The following PCSK6 variants were observed in gnomAD, a reference collection of about 807,000 sequenced individuals.
PCSK6 encodes the protein paired basic amino acid cleaving enzyme 4.
Under a neutral mutation model 123.3 loss-of-function variants are expected in PCSK6, and 85 were observed. That is an observed-to-expected ratio of 0.69 (90% CI 0.58 to 0.83). PCSK6 has a LOEUF of 0.83. Ranked by LOEUF, PCSK6 falls within the 40% of genes least tolerant of loss-of-function variation. The pLI, the probability that PCSK6 is intolerant of heterozygous loss-of-function variation, is 0.00. For synonymous variants in PCSK6, 508 were observed against 516.0 expected (o/e 0.98, Z 0.21); for missense variants, 1,191 against 1,282.3 (o/e 0.93, Z 1.09).
At chr15:101,333,926 G>T (rs1460545338) in intron 13 of PCSK6, among the ~76,000 whole-genome samples, 2 of 152,294 alleles carry the variant, frequency 1.3e-5, no homozygotes, top group East Asian at 1.9e-4. Flanking sequence ...GCCTCAACTG[G>T]CTAAGTACTA....
intron 13 of PCSK6, among the ~76,000 whole-genome samples, chr15:101,345,396 A>G (rs2040706692): frequency 6.6e-6 from 1 of 152,218 alleles, no homozygotes; most frequent in Non-Finnish European, 1.5e-5. Flanking sequence ...TAATATTTAG[A>G]CTGAAAAAAA....
intron 13 of PCSK6, among the ~76,000 whole-genome samples, chr15:101,365,458 G>A (rs564502754): frequency 4.6e-5 from 7 of 152,242 alleles, no homozygotes; most frequent in East Asian, 3.9e-4. Context: ...ATTGCTGGCC[G>A]GAATGTAAAA....
rs946579981 is a variant in PCSK6, at chr15:101,439,957, G to C, written c.402+3599C>G. On this transcript the variant is annotated intron_variant, in intron 2 of 21. Coordinates refer to ENST00000611716, the MANE Select transcript of PCSK6 (RefSeq NM_002570.5). The stretch of plus-strand genomic sequence containing the variant: ...CTGAGATCTGTAGGGAAGGAAAAGA[G>C]CTGAACCCAAGTCATCATGCTAAAA... 2.0e-5 allele frequency among the ~76,000 whole-genome samples: 3 copies of C among 152,048 alleles called. No individual in the cohort carries two copies. In the East Asian group the frequency reaches 5.8e-4, roughly 30 times the overall value.
At chr15:101,341,419 G>A (rs571325326) in intron 13 of PCSK6, among the ~76,000 whole-genome samples, 64 of 151,714 alleles carry the variant, frequency 4.2e-4, no homozygotes, top group African/African-American at 1.4e-3. Context: ...CTGCCACCAC[G>A]CCTGGCTAAT....
intron 6 of PCSK6, among the ~76,000 whole-genome samples, chr15:101,420,519 C>T (rs775080623): frequency 7.3e-5 from 11 of 151,662 alleles, no homozygotes; most frequent in Non-Finnish European, 1.6e-4. Flanking sequence ...TGCCACCATG[C>T]CCGGCTAAAT....
intron 1 of PCSK6, among the ~76,000 whole-genome samples, chr15:101,472,691 A>T (rs1303629170): frequency 1.3e-5 from 2 of 152,242 alleles, no homozygotes; most frequent in Non-Finnish European, 2.9e-5. Flanking sequence ...CACAGCCATC[A>T]GCACACACCA....
At chr15:101,484,501 G>A (rs888279134) in intron 1 of PCSK6, among the ~76,000 whole-genome samples, 3 of 152,184 alleles carry the variant, frequency 2.0e-5, no homozygotes, top group African/African-American at 7.2e-5. Context: ...CCATTCTCCT[G>A]CCTCAGCCTC....
At position 101,310,996 on chromosome 15, in the gene PCSK6, T is replaced by TGGTGGGA. The variant is rs549319733; in HGVS notation, c.2699+2373_2699+2379dup. 2.9e-3 allele frequency among the ~76,000 whole-genome samples: 439 copies of TGGTGGGA among 152,300 alleles called. 2 individuals carry two copies. Among genetic ancestry groups the TGGTGGGA allele is most frequent in the African/African-American group, 0.01 (421 of 41,548 alleles). ...GATCCCCAGTGTTGGAGGTGGGGCC[T>TGGTGGGA]GGTGGGAGGTGTTTGGATCATGGGG... is the stretch of plus-strand genomic sequence containing the variant. On this transcript the variant is annotated intron_variant, in intron 20 of 21. Coordinates refer to ENST00000611716, the MANE Select transcript of PCSK6 (RefSeq NM_002570.5).
At chr15:101,378,421 C>T (rs565298713) in intron 11 of PCSK6, among the ~76,000 whole-genome samples, 2 of 152,246 alleles carry the variant, frequency 1.3e-5, no homozygotes, top group African/African-American at 4.8e-5. Flanking sequence ...CTTTTGCTAA[C>T]AGCAGCTGCC....
Position 101,461,493 on chromosome 15 carries a change from T to C in PCSK6, c.298-17833A>G, listed in dbSNP as rs201404374. Among the ~76,000 whole-genome samples, 134 of 152,190 alleles carry C rather than the reference T, an allele frequency of 8.8e-4. 1 individual carries two copies. In the East Asian group the frequency reaches 0.025, roughly 29 times the overall value. ...TCCAGAGAACAGAAAAAGTAAAAAT[T>C]TATCAGGCCAGAATACTTTAATCCT... On this transcript the variant is annotated intron_variant, in intron 1 of 21. Coordinates refer to ENST00000611716, the MANE Select transcript of PCSK6 (RefSeq NM_002570.5).
At chr15:101,328,374 G>A (rs1401147100) in intron 15 of PCSK6, among the ~76,000 whole-genome samples, 1 of 152,206 alleles carries the variant, frequency 6.6e-6, no homozygotes, top group Admixed American at 6.5e-5. Context: ...ATGGGAGACG[G>A]GCGGGCAGGG....
intron 7 of PCSK6, among the ~76,000 whole-genome samples, chr15:101,396,410 C>G (rs1274078830): frequency 2.0e-5 from 3 of 152,162 alleles, no homozygotes; most frequent in Non-Finnish European, 4.4e-5. Flanking sequence ...ATCCTAGGAG[C>G]TCCATCTTTG....
chr15:101,378,619 C>T (rs1201504654), intron 11 of PCSK6, among the ~76,000 whole-genome samples: 5 of 152,326 alleles, frequency 3.3e-5, no homozygotes, highest in Non-Finnish European at 4.4e-5. Context: ...AGCACGATCC[C>T]GTGGTACCTT....
intron 16 of PCSK6, 94 bp downstream of exon 16, chr15:101,326,283 A>T: frequency 1.1e-6 from 1 of 922,400 alleles, no homozygotes; most frequent in Non-Finnish European, 1.7e-6. Context: ...GTGCTACGTT[A>T]CTTCCTAACT....
chr15:101,366,206 C>T lies in PCSK6; in HGVS notation c.1848G>A (p.Pro616=), dbSNP rs371943280. 5.1e-5 allele frequency: 83 copies of T among 1,611,954 alleles called. No homozygotes were observed. Among genetic ancestry groups the T allele is most frequent in the South Asian group, 6.6e-5 (6 of 90,762 alleles). The change falls in exon 13 of 22, where the codon CCG becomes CCA. Residue 616 remains proline (P), a synonymous_variant. Transcript: ENST00000611716. ...CCAAGAGCCACTGACCTTGCTTCTC[C>T]GGGTTGCGGACCTGGGATGGCAGAT... The part of the protein sequence containing the change: ...IQDLPSQVRN[P]EKQGKLKEWS...
intron 11 of PCSK6, among the ~76,000 whole-genome samples, chr15:101,375,352 G>T (rs756276201): frequency 1.3e-5 from 2 of 152,068 alleles, no homozygotes; most frequent in Admixed American, 6.6e-5. Flanking sequence ...CTTACACAAT[G>T]CCGTCCACAG....
intron 11 of PCSK6, 112 bp downstream of exon 11, chr15:101,381,980 G>A (rs2041920487): frequency 4.4e-6 from 3 of 682,742 alleles, no homozygotes; most frequent in Non-Finnish European, 7.7e-6. Flanking sequence ...TCGTGCACAC[G>A]CACATGTGCA....
intron 6 of PCSK6, among the ~76,000 whole-genome samples, chr15:101,403,319 C>G (rs552284866): frequency 9.4e-5 from 14 of 148,240 alleles, no homozygotes; most frequent in East Asian, 4.0e-4. Context: ...ATACCTAATG[C>G]TAAATGACCA....
chr15:101,391,095 G>A (rs918193164), intron 8 of PCSK6, among the ~76,000 whole-genome samples: 1 of 152,176 alleles, frequency 6.6e-6, no homozygotes, highest in African/African-American at 2.4e-5. Flanking sequence ...TGACGGGAAG[G>A]CCAACAGAGA....
Sources: allele counts gnomAD v4.1 joint callset (sites outside exome capture counted in the v4.1 genomes callset), GRCh38; gene constraint gnomAD v4.1.1; transcripts MANE v1.5; gene names NCBI Gene and HGNC (gene_info 2026-07-23, HGNC 2026-07-21).